Variants in TBC1D2 observed in about 807,000 individuals in gnomAD.
TBC1D2 encodes TBC1 domain family member 2A.
Under a neutral mutation model 91.1 loss-of-function variants are expected in TBC1D2, and 58 were observed. The observed-to-expected ratio is 0.64, with a 90% CI of 0.52 to 0.79. The LOEUF is 0.79. Ranked by LOEUF, TBC1D2 falls within the 30% of genes least tolerant of loss-of-function variation. TBC1D2 has a pLI of 0.00. For missense variants in TBC1D2, 1,080 were observed against 1,208.3 expected (o/e 0.89, Z 1.57); for synonymous variants, 482 against 511.5 (o/e 0.94, Z 0.78).
intron 1 of TBC1D2, among the ~76,000 whole-genome samples, chr9:98,252,777 T>C (rs73657127): frequency 0.021 from 3,162 of 152,242 alleles, 111 homozygotes; most frequent in African/African-American, 0.072. Context: ...CTGCAGAAGA[T>C]GAACAGCTCA....
At chr9:98,205,868 T>C (rs1225304826) in intron 9 of TBC1D2, among the ~76,000 whole-genome samples, 1 of 148,166 alleles carries the variant, frequency 6.7e-6, no homozygotes, top group African/African-American at 2.5e-5. Context: ...GGCCCACACA[T>C]GCAGTTCTAA....
intron 3 of TBC1D2, among the ~76,000 whole-genome samples, chr9:98,241,271 G>A (rs1829629445): frequency 6.6e-6 from 1 of 152,206 alleles, no homozygotes; most frequent in South Asian, 2.1e-4. Context: ...CATGGTTTGA[G>A]GACTTAACCA....
chr9:98,208,918 C>T lies in TBC1D2; in HGVS notation c.1900G>A (p.Val634Ile). Residue 634 changes from valine to isoleucine, a missense_variant, in exon 9 of 13, where the codon GTC (valine) becomes ATC (isoleucine). Val to Ile is a conservative substitution (Grantham distance 29). Coordinates refer to ENST00000465784, the MANE Select transcript of TBC1D2 (RefSeq NM_001267571.2). ...CGGAGGTGGACCAGCCACCTCCAGA[C>T]ACGAGGCCGGTGTTCACGGGGTACT... The part of the protein sequence containing the change: ...AGVPREHRPR[V>I]WRWLVHLRVQ... 6.2e-7 allele frequency: 1 copy of T among 1,614,098 alleles called. No individual in the cohort carries two copies. Among genetic ancestry groups the T allele is most frequent in the Non-Finnish European group, 8.5e-7 (1 of 1,180,000 alleles).
chr9:98,243,656 C>CTA (rs1829700320), intron 3 of TBC1D2, among the ~76,000 whole-genome samples: 1 of 151,838 alleles, frequency 6.6e-6, no homozygotes, highest in African/African-American at 2.4e-5. Context: ...CCTGCCTCAG[C>CTA]CTCCTGAGTA....
Position 98,220,931 on chromosome 9 carries a change from T to A in TBC1D2, c.1276A>T (p.Thr426Ser). ...QVICKLSEKV[T>S]QDFTHPPDQS... ...TCAGGGGGGTGCGTGAAGTCCTGGG[T>A]GACCTTCTCAGAGAGCTTGCAGATG... The change falls in exon 6 of 13, where the codon ACC (threonine) becomes TCC (serine). Residue 426 changes from threonine (T) to serine (S), a missense_variant. Thr to Ser is a moderately conservative substitution (Grantham distance 58). Coordinates refer to ENST00000465784, the MANE Select transcript of TBC1D2 (RefSeq NM_001267571.2). The A allele has an allele frequency of 1.2e-6, 2 of 1,614,146 alleles. No homozygotes were observed. Among genetic ancestry groups the A allele is most frequent in the Non-Finnish European group, 1.7e-6 (2 of 1,180,022 alleles).
chr9:98,238,489 T>G (rs186125887), intron 3 of TBC1D2, among the ~76,000 whole-genome samples: 1 of 137,128 alleles, frequency 7.3e-6, no homozygotes, highest in East Asian at 1.9e-4. Context: ...AGTTTTTCCT[T>G]AGGATTTTCT....
chr9:98,217,953 C>T (rs1222806732), intron 6 of TBC1D2, among the ~76,000 whole-genome samples: 1 of 152,066 alleles, frequency 6.6e-6, no homozygotes, highest in Non-Finnish European at 1.5e-5. Context: ...TGGGCTTAAG[C>T]AATCCTCTAG....
intron 5 of TBC1D2, among the ~76,000 whole-genome samples, chr9:98,226,100 G>A (rs1477073165): frequency 2.0e-5 from 3 of 152,226 alleles, no homozygotes; most frequent in Non-Finnish European, 4.4e-5. Context: ...CTGAGTGCCT[G>A]GGGGCACCAC....
rs1375926559 is a variant in TBC1D2, at chr9:98,228,067, AG to A, written c.978+884del. Among the ~76,000 whole-genome samples the A allele has an allele frequency of 6.6e-6, 1 of 152,212 alleles. No homozygotes were observed. Among genetic ancestry groups the A allele is most frequent in the African/African-American group, 2.4e-5 (1 of 41,454 alleles). ...GTCAGGGCTGGAAAACAAAGCAGAAAGGGCCTCCGGGCAGCCAAAGTTCAAA... is the reference window on the plus strand; with the variant it reads ...GTCAGGGCTGGAAAACAAAGCAGAAAGGCCTCCGGGCAGCCAAAGTTCAAA... On this transcript the variant is annotated intron_variant, in intron 5 of 12. Transcript: ENST00000465784. This position sits in a 1 kb window ranked among gnomAD's most constrained non-coding sequence, Gnocchi z 4.0.
chr9:98,207,480 C>A (rs1381361432), intron 9 of TBC1D2, among the ~76,000 whole-genome samples: 1 of 152,206 alleles, frequency 6.6e-6, no homozygotes, highest in Admixed American at 6.5e-5. Flanking sequence ...GCCCTGTGAA[C>A]CAGGTGACCT....
intron 5 of TBC1D2, among the ~76,000 whole-genome samples, chr9:98,225,034 C>T (rs1174137320): frequency 1.3e-5 from 2 of 152,200 alleles, no homozygotes; most frequent in Non-Finnish European, 2.9e-5. Flanking sequence ...GGCTGGAGTT[C>T]TAGGAAAGTA....
At chr9:98,248,422 G>T (rs12349672) in intron 2 of TBC1D2, among the ~76,000 whole-genome samples, 12,741 of 152,256 alleles carry the variant, frequency 0.084, 602 homozygotes, top group East Asian at 0.17. Flanking sequence ...CTCCTTTTAC[G>T]TGAGCTCTGA....
intron 6 of TBC1D2, 141 bp downstream of exon 6, chr9:98,220,692 T>C (rs967137755): frequency 3.8e-6 from 4 of 1,058,720 alleles, no homozygotes; most frequent in Non-Finnish European, 5.4e-6. Context: ...CCCATCAACA[T>C]GTGTTTCTAA....
intron 4 of TBC1D2, among the ~76,000 whole-genome samples, chr9:98,230,651 G>C (rs74306838): frequency 0.06 from 9,178 of 152,158 alleles, 363 homozygotes; most frequent in East Asian, 0.19. Context: ...TACCTTGCTC[G>C]GCCGGGCGTG....
intron 1 of TBC1D2, among the ~76,000 whole-genome samples, chr9:98,253,575 T>G (rs572494759): frequency 2.6e-4 from 39 of 152,348 alleles, no homozygotes; most frequent in Admixed American, 2.2e-3. Context: ...TTCTGGCTCA[T>G]GTGATTTGCC....
intron 5 of TBC1D2, among the ~76,000 whole-genome samples, chr9:98,224,343 C>T (rs1026953310): frequency 3.2e-4 from 43 of 132,794 alleles, no homozygotes; most frequent in Admixed American, 6.8e-4. Flanking sequence ...AGTGCAGTGG[C>T]GCAATCACGG....
chr9:98,243,861 T>A (rs554395915), intron 3 of TBC1D2, 133 bp downstream of exon 3: 304 of 1,225,250 alleles, frequency 2.5e-4, no homozygotes, highest in Middle Eastern at 8.4e-4. Context: ...AAAGTGATGA[T>A]GTGATTAATT....
intron 10 of TBC1D2, among the ~76,000 whole-genome samples, chr9:98,202,188 C>A (rs3780454): frequency 0.16 from 24,881 of 152,190 alleles, 2,483 homozygotes; most frequent in South Asian, 0.27. Flanking sequence ...TCCTGCCTCG[C>A]CGGACATCAA....
chr9:98,218,350 C>A (rs953336408), intron 6 of TBC1D2, among the ~76,000 whole-genome samples: 2 of 151,802 alleles, frequency 1.3e-5, no homozygotes, highest in Non-Finnish European at 2.9e-5. Flanking sequence ...GCAGATCACG[C>A]GGTCAGGAGA....
Sources: gnomAD v4.1 joint callset for allele counts (sites outside exome capture counted in the v4.1 genomes callset) on GRCh38, gnomAD v4.1.1 for gene constraint, Gnocchi (gnomAD v3.1) non-coding constraint, MANE v1.5 for transcripts, NCBI Gene and HGNC (gene_info 2026-07-23, HGNC 2026-07-21) for gene names.